MAN1A1: variants seen among roughly 807,000 people sequenced by gnomAD.
MAN1A1 encodes the protein mannosidase alpha class 1A member 1.
A neutral mutation model predicts 70.8 loss-of-function variants in MAN1A1; 29 were observed. That is an observed-to-expected ratio of 0.41 (90% CI 0.31 to 0.56). The LOEUF (loss-of-function observed/expected upper bound fraction) is 0.56. Ranked by LOEUF, MAN1A1 falls within the 20% of genes least tolerant of loss-of-function variation. The probability of loss-of-function intolerance (pLI) is 0.29; values close to 1 mark genes in which losing one functional copy is unlikely to be tolerated. For missense variants in MAN1A1, 747 were observed against 841.3 expected (o/e 0.89, Z 1.39); for synonymous variants, 349 against 330.1 (o/e 1.06, Z -0.62).
chr6:119,202,512 T>C (rs1038989485), intron 7 of MAN1A1, among the ~76,000 whole-genome samples: 14 of 152,280 alleles, frequency 9.2e-5, no homozygotes, highest in African/African-American at 1.4e-4. Flanking sequence ...ATAAAAACCA[T>C]AGTAGTACAT....
intron 6 of MAN1A1, among the ~76,000 whole-genome samples, chr6:119,244,210 T>G (rs1231338757): frequency 6.6e-6 from 1 of 152,108 alleles, no homozygotes; most frequent in African/African-American, 2.4e-5. Flanking sequence ...GTAATTTTTC[T>G]GCTTCAAGTT....
At position 119,178,092 on chromosome 6, in the gene MAN1A1, T is replaced by A. The variant is rs542839779; in HGVS notation, c.*1727A>T. 26 of 152,010 alleles carry A rather than the reference T, an allele frequency of 1.7e-4. No homozygotes were observed. Among genetic ancestry groups the A allele is most frequent in the African/African-American group, 6.3e-4 (26 of 41,496 alleles). 9.4% of individuals were successfully genotyped at this position (152,010 alleles called of 1,614,324 possible). ...ATGGAAATAATGATGTACGGAAGAG[T>A]CTTTTTCATTTACTAATTTTACTAA... On this transcript the variant is annotated 3_prime_UTR_variant, in exon 13 of 13. Transcript: ENST00000368468.
intron 6 of MAN1A1, among the ~76,000 whole-genome samples, chr6:119,205,199 A>G (rs1773827207): frequency 6.6e-6 from 1 of 152,198 alleles, no homozygotes; most frequent in Admixed American, 6.5e-5. Context: ...ATAAAAGAAA[A>G]TCTGACCAAA....
intron 4 of MAN1A1, among the ~76,000 whole-genome samples, chr6:119,294,769 G>A (rs2064161): frequency 0.93 from 141,277 of 152,158 alleles, 65,923 homozygotes; most frequent in African/African-American, 0.96. Flanking sequence ...AGAACACACT[G>A]AACCAGATTC....
At chr6:119,201,034 G>A (rs1350112122) in intron 8 of MAN1A1, among the ~76,000 whole-genome samples, 1 of 152,100 alleles carries the variant, frequency 6.6e-6, no homozygotes, top group African/African-American at 2.4e-5. Context: ...AGCTGTAAAT[G>A]TGCTTATATG....
intron 3 of MAN1A1, among the ~76,000 whole-genome samples, chr6:119,304,221 T>C (rs1406789123): frequency 1.3e-5 from 2 of 152,230 alleles, no homozygotes; most frequent in East Asian, 3.8e-4. Flanking sequence ...TATCTAATAA[T>C]AATGAGAAAG....
intron 6 of MAN1A1, among the ~76,000 whole-genome samples, chr6:119,212,617 T>A (rs1247095085): frequency 6.6e-6 from 1 of 152,194 alleles, no homozygotes; most frequent in Admixed American, 6.5e-5. Context: ...CAATTGCAAC[T>A]CAATTAAATT....
intron 11 of MAN1A1, among the ~76,000 whole-genome samples, chr6:119,186,780 A>G (rs1035840512): frequency 6.6e-6 from 1 of 152,198 alleles, no homozygotes; most frequent in Non-Finnish European, 1.5e-5. Context: ...GGGGGTGGGC[A>G]TAACACCAGG....
At chr6:119,264,779 A>C (rs1193885822) in intron 5 of MAN1A1, among the ~76,000 whole-genome samples, 3 of 152,206 alleles carry the variant, frequency 2.0e-5, no homozygotes, top group Non-Finnish European at 4.4e-5. Context: ...CATACAGACT[A>C]TGTTGCAAAT....
chr6:119,337,553 C>T (rs539399272), intron 2 of MAN1A1, among the ~76,000 whole-genome samples: 190 of 152,248 alleles, frequency 1.2e-3, no homozygotes, highest in African/African-American at 4.3e-3. Context: ...CTGGAAGGGA[C>T]GGACGACTGC....
intron 2 of MAN1A1, among the ~76,000 whole-genome samples, chr6:119,324,464 C>T (rs1773097570): frequency 6.6e-6 from 1 of 152,114 alleles, no homozygotes; most frequent in Non-Finnish European, 1.5e-5. Context: ...GGGGTTGGTG[C>T]CCCAATCCCT....
chr6:119,217,365 T>A (rs1774234965), intron 6 of MAN1A1, among the ~76,000 whole-genome samples: 1 of 152,082 alleles, frequency 6.6e-6, no homozygotes, highest in Non-Finnish European at 1.5e-5. Flanking sequence ...CACTGCAATC[T>A]CCCCCTCCCA....
intron 3 of MAN1A1, among the ~76,000 whole-genome samples, chr6:119,304,649 A>G (rs886959371): frequency 5.3e-5 from 8 of 152,284 alleles, no homozygotes; most frequent in African/African-American, 1.9e-4. Flanking sequence ...TCTAGGAAAA[A>G]GATGGATGCT....
chr6:119,313,757 G>A (rs192649909), intron 2 of MAN1A1, among the ~76,000 whole-genome samples: 13 of 152,078 alleles, frequency 8.5e-5, no homozygotes, highest in Non-Finnish European at 1.9e-4. Context: ...GACACATTCA[G>A]TTCCTGGTTC....
intron 5 of MAN1A1, among the ~76,000 whole-genome samples, chr6:119,279,482 C>A (rs1346765882): frequency 6.6e-6 from 1 of 152,196 alleles, no homozygotes; most frequent in Non-Finnish European, 1.5e-5. Context: ...AGGATTGAGG[C>A]TACCATAAAT....
intron 6 of MAN1A1, among the ~76,000 whole-genome samples, chr6:119,224,927 G>C (rs907359236): frequency 2.0e-5 from 3 of 152,102 alleles, no homozygotes; most frequent in Non-Finnish European, 4.4e-5. Flanking sequence ...AGGAGTTCAA[G>C]ACCAGCCTGC....
intron 4 of MAN1A1, among the ~76,000 whole-genome samples, chr6:119,301,710 T>TA (rs1241525800): frequency 6.6e-6 from 1 of 152,180 alleles, no homozygotes. Context: ...GCCCATCTCA[T>TA]AGAGTTGCAG....
At chr6:119,349,812 C>T (rs2114522764), upstream of MAN1A1, 7 of 940,802 alleles carry the variant, frequency 7.4e-6, no homozygotes, top group African/African-American at 8.9e-5. Flanking sequence ...GCGACGCGGC[C>T]GGAGAGTGAC....
At chr6:119,349,423 C>T (rs957504552) in intron 1 of MAN1A1, 119 bp downstream of exon 1, 18 of 916,038 alleles carry the variant, frequency 2.0e-5, no homozygotes, top group Non-Finnish European at 2.2e-5. Context: ...GGGCACCGCC[C>T]TCGCAGCCCA....
Sources: allele counts gnomAD v4.1 joint callset (sites outside exome capture counted in the v4.1 genomes callset), GRCh38; gene constraint gnomAD v4.1.1; transcripts MANE v1.5; gene names NCBI Gene and HGNC (gene_info 2026-07-23, HGNC 2026-07-21).